Variants in CALN1 observed in about 807,000 individuals in gnomAD.
CALN1 encodes the protein calneuron 1, also known as calcium-binding protein 8.
In CALN1, 17 loss-of-function variants were observed where a neutral mutation model predicts 30.6. That is an observed-to-expected ratio of 0.56 (90% CI 0.38 to 0.83). The LOEUF (loss-of-function observed/expected upper bound fraction) is 0.83. CALN1 is among the 40% of genes least tolerant of loss of function. CALN1 has a pLI of 0.00. For missense variants in CALN1, 291 were observed against 354.9 expected (o/e 0.82, Z 1.45); for synonymous variants, 156 against 131.4 (o/e 1.19, Z -1.28).
At chr7:71,949,513 C>G (rs956610759) in intron 5 of CALN1, among the ~76,000 whole-genome samples, 7 of 151,956 alleles carry the variant, frequency 4.6e-5, no homozygotes, top group African/African-American at 1.7e-4. Context: ...TCCTGAGTAG[C>G]TGGGATTACA....
rs142607076 is a variant in CALN1, at chr7:72,397,714, T to TCTCTCTCACACA, written c.119+5536_119+5537insTGTGTGAGAGAG. On this transcript the variant is annotated intron_variant, in intron 2 of 6. Transcript: ENST00000395275. Reference sequence around the variant, plus strand: ...GATCTTGGAGAGCACCCATTCTCTCTCACACACACACACACACACACACAC... The same window carrying TCTCTCTCACACA: ...GATCTTGGAGAGCACCCATTCTCTCTCTCTCTCACACACACACACACACACACACACACACAC... Among the ~76,000 whole-genome samples, 206 of 142,910 alleles carry TCTCTCTCACACA rather than the reference T, an allele frequency of 1.4e-3. 4 individuals are homozygous for TCTCTCTCACACA. Among genetic ancestry groups the TCTCTCTCACACA allele is most frequent in the African/African-American group, 5.0e-3 (193 of 38,226 alleles). 93.8% of individuals were successfully genotyped at this position (142,910 alleles called of 152,430 possible).
chr7:72,375,978 A>G (rs1410447819), intron 2 of CALN1, among the ~76,000 whole-genome samples: 1 of 152,176 alleles, frequency 6.6e-6, no homozygotes, highest in Non-Finnish European at 1.5e-5. Context: ...CCTATTCTAG[A>G]TATATCTCAT....
chr7:72,277,063 AC>A (rs1183618501), intron 3 of CALN1, among the ~76,000 whole-genome samples: 1 of 151,984 alleles, frequency 6.6e-6, no homozygotes, highest in Non-Finnish European at 1.5e-5. Context: ...TTTATGAGCC[AC>A]CTAGTCTATG....
At chr7:72,405,607 A>G (rs1446926834) in intron 1 of CALN1, among the ~76,000 whole-genome samples, 1 of 151,970 alleles carries the variant, frequency 6.6e-6, no homozygotes, top group Non-Finnish European at 1.5e-5. Context: ...CACACACACT[A>G]CAACGCCCAC....
At position 72,113,911 on chromosome 7, in the gene CALN1, C is replaced by T. The variant is rs535787412; in HGVS notation, c.245-7617G>A. ...ATCAGGGTGGCTACAGCTGGAATGA[C>T]AAGAGATAAGAGGCTGTCACAGAGT... On this transcript the variant is annotated intron_variant, in intron 3 of 6. Transcript: ENST00000395275. 3.3e-5 allele frequency among the ~76,000 whole-genome samples: 5 copies of T among 152,182 alleles called. No individual in the cohort carries two copies. In the East Asian group the frequency reaches 7.8e-4, roughly 24 times the overall value.
intron 3 of CALN1, among the ~76,000 whole-genome samples, chr7:72,260,957 C>T (rs367601061): frequency 7.9e-5 from 12 of 152,150 alleles, no homozygotes; most frequent in African/African-American, 2.9e-4. Context: ...AGGCTCATTT[C>T]ACTGGATACG....
intron 3 of CALN1, among the ~76,000 whole-genome samples, chr7:72,173,163 A>C (rs891043663): frequency 2.0e-5 from 3 of 152,118 alleles, no homozygotes; most frequent in African/African-American, 7.2e-5. Context: ...TCTATATAGG[A>C]GCAGAACAAA....
intron 2 of CALN1, among the ~76,000 whole-genome samples, chr7:72,383,507 G>A (rs1805034605): frequency 6.6e-6 from 1 of 152,142 alleles, no homozygotes; most frequent in African/African-American, 2.4e-5. Context: ...GTGATGTGGA[G>A]CATTTTTTCA....
chr7:72,390,645 G>A (rs1202345604), intron 2 of CALN1, among the ~76,000 whole-genome samples: 1 of 152,148 alleles, frequency 6.6e-6, no homozygotes, highest in East Asian at 1.9e-4. Flanking sequence ...CGTGGAATTA[G>A]CAATGCCCGA....
chr7:72,352,183 C>CAAACA (rs1554383801), intron 2 of CALN1, among the ~76,000 whole-genome samples: 1 of 147,834 alleles, frequency 6.8e-6, no homozygotes, highest in African/African-American at 2.5e-5. Flanking sequence ...AACAAACAAA[C>CAAACA]AAAAAAAACC....
chr7:71,813,667 C>T (rs1449730038), intron 5 of CALN1, among the ~76,000 whole-genome samples: 4 of 152,154 alleles, frequency 2.6e-5, no homozygotes, highest in Admixed American at 6.6e-5. Context: ...CGGTGGCTCA[C>T]GCCTGTCATC....
At chr7:71,810,543 G>A (rs746188446) in intron 5 of CALN1, 51 bp from the exon 6 acceptor site, 6 of 1,585,314 alleles carry the variant, frequency 3.8e-6, no homozygotes, top group Non-Finnish European at 5.2e-6. Context: ...GAGATGGGAA[G>A]TTGGCTCGGG....
chr7:71,961,601 A>C (rs924056634), intron 5 of CALN1, among the ~76,000 whole-genome samples: 2 of 152,226 alleles, frequency 1.3e-5, no homozygotes, highest in African/African-American at 4.8e-5. Flanking sequence ...AAAAGGAATA[A>C]GAAAATGTGT....
chr7:72,405,820 A>C (rs779722069), intron 1 of CALN1, among the ~76,000 whole-genome samples: 1 of 152,236 alleles, frequency 6.6e-6, no homozygotes, highest in Non-Finnish European at 1.5e-5. Context: ...TATTTCAAAA[A>C]GCAGTAATTA....
intron 3 of CALN1, among the ~76,000 whole-genome samples, chr7:72,238,339 C>T (rs1438524165): frequency 1.3e-5 from 2 of 152,114 alleles, no homozygotes; most frequent in Non-Finnish European, 2.9e-5. Context: ...GACTGAGCTG[C>T]TGGCTTTATT....
At chr7:72,278,610 T>A in intron 3 of CALN1, 76 bp downstream of exon 3, 2 of 1,575,792 alleles carry the variant, frequency 1.3e-6, no homozygotes, top group South Asian at 2.2e-5. Flanking sequence ...TCCAGGGCTT[T>A]CAATTGAGCT....
chr7:72,285,587 T>C (rs978591028), intron 2 of CALN1, among the ~76,000 whole-genome samples: 4 of 152,122 alleles, frequency 2.6e-5, no homozygotes, highest in Middle Eastern at 3.4e-3. Flanking sequence ...TGACCGAAAC[T>C]AAAAAAAATT....
intron 6 of CALN1, among the ~76,000 whole-genome samples, chr7:71,802,600 C>T (rs2116083101): frequency 6.6e-6 from 1 of 152,308 alleles, no homozygotes; most frequent in African/African-American, 2.4e-5. Context: ...ATAGCTGAGA[C>T]TACAGGCATG....
At chr7:72,066,277 T>C (rs1356415612) in intron 4 of CALN1, among the ~76,000 whole-genome samples, 2 of 152,192 alleles carry the variant, frequency 1.3e-5, no homozygotes, top group African/African-American at 4.8e-5. Flanking sequence ...TTCAACACAA[T>C]AAAGTGGGGG....
Sources: gnomAD v4.1 joint callset for allele counts (sites outside exome capture counted in the v4.1 genomes callset) on GRCh38, gnomAD v4.1.1 for gene constraint, MANE v1.5 for transcripts, NCBI Gene and HGNC (gene_info 2026-07-23, HGNC 2026-07-21) for gene names.